KLHDC4: variants seen among roughly 807,000 people sequenced by gnomAD.
KLHDC4 encodes kelch domain containing 4.
A neutral mutation model predicts 62.4 loss-of-function variants in KLHDC4; 90 were observed. The ratio of observed to expected loss-of-function variants is 1.44; its 90% confidence interval spans 1.22 to 1.72. The LOEUF (loss-of-function observed/expected upper bound fraction) is 1.72. Among genes scored for constraint, KLHDC4 ranks in the 40% most tolerant of loss-of-function variants. KLHDC4 has a pLI of 0.00. For synonymous variants in KLHDC4, 386 were observed against 284.4 expected (o/e 1.36, Z -3.59); for missense variants, 1,025 against 699.7 (o/e 1.47, Z -5.25).
chr16:87,734,712 GATACCC>G (rs1442208972), intron 5 of KLHDC4, among the ~76,000 whole-genome samples: 1 of 152,130 alleles, frequency 6.6e-6, no homozygotes, highest in Non-Finnish European at 1.5e-5. Flanking sequence ...TTCACATAGG[GATACCC>G]AGCAGGATCT....
chr16:87,702,217 G>A (rs2034176618), exon 1 of KLHDC4: 1 of 456,230 alleles, frequency 2.2e-6, no homozygotes, highest in Admixed American at 2.3e-5. Flanking sequence ...CCCTGACCAT[G>A]ACAGCCAACT....
At chr16:87,758,530 A>T (rs569332432) in intron 2 of KLHDC4, among the ~76,000 whole-genome samples, 1 of 152,296 alleles carries the variant, frequency 6.6e-6, no homozygotes, top group East Asian at 1.9e-4. Context: ...ACCAGAAGTC[A>T]CCAGGGGGCT....
At chr16:87,706,509 G>A (rs1233335861), downstream of KLHDC4, among the ~76,000 whole-genome samples, 1 of 152,198 alleles carries the variant, frequency 6.6e-6, no homozygotes, top group Admixed American at 6.5e-5. Flanking sequence ...CCTCACTCCT[G>A]TCAGCACTGC....
chr16:87,720,414 G>C (rs560384611), intron 7 of KLHDC4, among the ~76,000 whole-genome samples: 1 of 152,234 alleles, frequency 6.6e-6, no homozygotes, highest in South Asian at 2.1e-4. Flanking sequence ...GCCCGAAGAC[G>C]ACTCCTAAAC....
Position 87,749,770 on chromosome 16 carries a change from G to A in KLHDC4, c.370-961C>T, listed in dbSNP as rs550191913. ...AGCTGTTTAATTTTTTGCAGCAATG[G>A]CGTCTACGCTGTCCAGGCTGGTCTC... On this transcript the variant is annotated intron_variant, in intron 4 of 11. Coordinates refer to ENST00000270583, the MANE Select transcript of KLHDC4 (RefSeq NM_017566.4). Among the ~76,000 whole-genome samples, 3 of 152,036 alleles carry A rather than the reference G, an allele frequency of 2.0e-5. No homozygotes were observed. In the South Asian group the frequency reaches 6.2e-4, roughly 32 times the overall value.
intron 5 of KLHDC4, 130 bp downstream of exon 5, chr16:87,748,543 C>A: frequency 8.4e-7 from 1 of 1,190,952 alleles, no homozygotes; most frequent in Non-Finnish European, 1.2e-6. Flanking sequence ...CCCAGCGAGG[C>A]TGGGCTCCAG....
At chr16:87,765,650 G>A (rs946705813) in intron 1 of KLHDC4, 142 bp downstream of exon 1, 8 of 735,020 alleles carry the variant, frequency 1.1e-5, no homozygotes, top group Admixed American at 3.2e-5. Context: ...ACGCGGCGCC[G>A]GGGCAGTTCC....
rs1206809311 is a variant in KLHDC4, at chr16:87,708,076, C to T, written c.*2-1G>A. 2 of 582,650 alleles carry T rather than the reference C, an allele frequency of 3.4e-6. No individual in the cohort carries two copies. The highest frequency in any genetic ancestry group is 6.5e-6 in the Non-Finnish European group (2 of 308,864). 36.1% of individuals were successfully genotyped at this position (582,650 alleles called of 1,614,324 possible). On this transcript the variant is annotated splice_acceptor_variant, in intron 11 of 11. Transcript: ENST00000270583. LOFTEE classifies it low-confidence loss of function (3UTR_SPLICE). ...CCAGGCGCCCCTGGCAGGGGCTCTT[C>T]TGATACGCAAGGAGGAAGGAATGAG...
chr16:87,735,291 C>T (rs1387896494), intron 5 of KLHDC4, among the ~76,000 whole-genome samples: 1 of 147,392 alleles, frequency 6.8e-6, no homozygotes, highest in Non-Finnish European at 1.5e-5. Context: ...CACAGCGAGA[C>T]TCCGTCTCAA....
rs545009434 is a variant in KLHDC4, at chr16:87,709,021, T to C, written c.1447+244A>G. ...CGGAGCAGCAGATGCACCCGTGTCC[T>C]GTGCCGCCAGAGCCGCAGCTCCCGT... On this transcript the variant is annotated intron_variant, in intron 10 of 11. Coordinates refer to ENST00000270583, the MANE Select transcript of KLHDC4 (RefSeq NM_017566.4). Among the ~76,000 whole-genome samples the C allele has an allele frequency of 1.8e-3, 278 of 152,356 alleles. 1 individual carries two copies. Among genetic ancestry groups the C allele is most frequent in the Middle Eastern group, 3.4e-3 (1 of 294 alleles).
rs1373902746 is a variant in KLHDC4 at position 87,708,372 on chromosome 16, C to T, written c.1542G>A (p.Glu514=). Residue 514 remains glutamate (E), a synonymous_variant, in exon 11 of 12, where the codon GAG becomes GAA. Transcript: ENST00000270583. ...EGGVDDEDSG[E]ESGAED is the part of the protein sequence containing the mutation. The stretch of plus-strand genomic sequence containing the variant: ...CACCTCAGTCCTCCGCACCGCTCTC[C>T]TCTCCGCTGTCTTCGTCGTCGACCC... 3.1e-6 allele frequency: 5 copies of T among 1,609,530 alleles called. No individual in the cohort carries two copies. The South Asian group carries it at 4.4e-5, about 14-fold the overall frequency.
At chr16:87,706,270 GTC>G (rs2034694288), downstream of KLHDC4, among the ~76,000 whole-genome samples, 1 of 119,956 alleles carries the variant, frequency 8.3e-6, no homozygotes, top group Non-Finnish European at 1.7e-5. Flanking sequence ...CCTTGAGGGG[GTC>G]GGTGGCGGGG....
At chr16:87,721,081 C>A (rs987080643) in intron 7 of KLHDC4, among the ~76,000 whole-genome samples, 4 of 152,220 alleles carry the variant, frequency 2.6e-5, no homozygotes, top group Non-Finnish European at 5.9e-5. Context: ...AAGACTTCTA[C>A]CTGTCGCTTT....
chr16:87,726,203 G>A (rs1190891031), intron 7 of KLHDC4, among the ~76,000 whole-genome samples: 1 of 145,178 alleles, frequency 6.9e-6, no homozygotes, highest in African/African-American at 2.5e-5. Context: ...TCCCCACCCC[G>A]CGCCTCGCCC....
At chr16:87,750,774 G>C (rs528854376) in intron 4 of KLHDC4, 3 of 152,282 alleles carry the variant, frequency 2.0e-5, no homozygotes, top group Non-Finnish European at 4.4e-5. Flanking sequence ...GCCAGACAGC[G>C]GGCGCAGGTG....
At chr16:87,704,552 A>G (rs1483847376), downstream of KLHDC4, among the ~76,000 whole-genome samples, 4 of 139,500 alleles carry the variant, frequency 2.9e-5, no homozygotes, top group African/African-American at 8.1e-5. Flanking sequence ...CCTGAACGTC[A>G]CGGGGAAGGA....
intron 4 of KLHDC4, 52 bp from the exon 5 acceptor site, chr16:87,748,861 A>AGT: frequency 6.2e-7 from 1 of 1,606,834 alleles, no homozygotes; most frequent in East Asian, 2.2e-5. Context: ...CAGAAGGGCC[A>AGT]GTGTCATGGG....
chr16:87,744,019 C>T (rs1410716171), intron 5 of KLHDC4, among the ~76,000 whole-genome samples: 1 of 152,188 alleles, frequency 6.6e-6, no homozygotes, highest in East Asian at 1.9e-4. Flanking sequence ...TGGCTCATGC[C>T]TGTAATCCCA....
chr16:87,719,587 C>T (rs1239069266), intron 7 of KLHDC4, among the ~76,000 whole-genome samples: 1 of 151,980 alleles, frequency 6.6e-6, no homozygotes, highest in African/African-American at 2.4e-5. Flanking sequence ...ACATGTTTAT[C>T]TGCTGACCTT....
Sources: allele counts gnomAD v4.1 joint callset (sites outside exome capture counted in the v4.1 genomes callset), GRCh38; gene constraint gnomAD v4.1.1; transcripts MANE v1.5; gene names NCBI Gene and HGNC (gene_info 2026-07-23, HGNC 2026-07-21).